Variants in RXFP2 observed in about 807,000 individuals in gnomAD.
RXFP2 encodes relaxin family peptide receptor 2, also known as relaxin receptor 2.
Under a neutral mutation model 88.6 loss-of-function variants are expected in RXFP2, and 68 were observed. The observed-to-expected ratio is 0.77, with a 90% confidence interval of 0.63 to 0.94. The LOEUF is 0.94. RXFP2 is among the 40% of genes least tolerant of loss of function. The probability of loss-of-function intolerance (pLI) is 0.00; values close to 1 mark genes in which losing one functional copy is unlikely to be tolerated. For synonymous variants in RXFP2, 329 were observed against 306.8 expected (o/e 1.07, Z -0.76); for missense variants, 791 against 893.9 (o/e 0.88, Z 1.47).
At chr13:31,748,378 C>T (rs1316134140) in intron 1 of RXFP2, among the ~76,000 whole-genome samples, 2 of 152,238 alleles carry the variant, frequency 1.3e-5, no homozygotes, top group Non-Finnish European at 2.9e-5. Context: ...TTTACATCCT[C>T]ACCAAATAGT....
chr13:31,753,126 G>A (rs1040937908), intron 1 of RXFP2, among the ~76,000 whole-genome samples: 28 of 152,198 alleles, frequency 1.8e-4, no homozygotes, highest in Non-Finnish European at 4.0e-4. Flanking sequence ...ACATCTGGCT[G>A]AGAGGATACA....
chr13:31,753,391 A>G (rs1316924593), intron 1 of RXFP2, among the ~76,000 whole-genome samples: 1 of 152,154 alleles, frequency 6.6e-6, no homozygotes, highest in Non-Finnish European at 1.5e-5. Flanking sequence ...ATTGACCAGA[A>G]GACAGAAGAA....
intron 1 of RXFP2, among the ~76,000 whole-genome samples, chr13:31,750,576 T>C (rs1379802029): frequency 6.6e-6 from 1 of 152,166 alleles, no homozygotes; most frequent in Non-Finnish European, 1.5e-5. Flanking sequence ...GTCAGTGTAT[T>C]GACAAAGAAA....
chr13:31,763,565 G>C (rs896811666), intron 3 of RXFP2, among the ~76,000 whole-genome samples: 23 of 152,288 alleles, frequency 1.5e-4, no homozygotes, highest in African/African-American at 5.1e-4. Flanking sequence ...TGATAAAAGA[G>C]TTACTGGTTA....
At position 31,763,587 on chromosome 13, in the gene RXFP2, C is replaced by T. The variant is rs1171774623; in HGVS notation, c.320-1450C>T. 2.6e-5 allele frequency among the ~76,000 whole-genome samples: 4 copies of T among 152,076 alleles called. No individual in the cohort carries two copies. In the East Asian group the frequency reaches 5.8e-4, roughly 22 times the overall value. On this transcript the variant is annotated intron_variant, in intron 3 of 17. Transcript: ENST00000298386. The stretch of plus-strand genomic sequence containing the variant: ...AGAGTTACTGGTTATTATGTTTATT[C>T]CAATCCCCAGAAAATGCCATTGAGA...
At chr13:31,750,115 C>A (rs551530410) in intron 1 of RXFP2, among the ~76,000 whole-genome samples, 1 of 152,160 alleles carries the variant, frequency 6.6e-6, no homozygotes, top group African/African-American at 2.4e-5. Flanking sequence ...TGACAAACTG[C>A]AAGAAAATAT....
chr13:31,792,650 G>A (rs1158220011), intron 15 of RXFP2, 28 bp from the exon 16 acceptor site: 4 of 1,607,362 alleles, frequency 2.5e-6, no homozygotes, highest in Admixed American at 1.7e-5. Flanking sequence ...GGAAACTGAT[G>A]ACATACACTG....
At chr13:31,764,413 TGAATGC>T (rs1485646782) in intron 3 of RXFP2, among the ~76,000 whole-genome samples, 2 of 110,100 alleles carry the variant, frequency 1.8e-5, no homozygotes, top group East Asian at 6.0e-4. Flanking sequence ...TTCTTTCTTC[TGAATGC>T]TTCAGATAGA....
intron 17 of RXFP2, 93 bp from the exon 18 acceptor site, chr13:31,802,053 C>T: frequency 2.4e-6 from 3 of 1,270,124 alleles, no homozygotes; most frequent in Admixed American, 3.7e-5. Flanking sequence ...CTATGTCTCC[C>T]TCTCATAAAT....
At chr13:31,788,271 G>A (rs893289559) in intron 13 of RXFP2, among the ~76,000 whole-genome samples, 1 of 152,110 alleles carries the variant, frequency 6.6e-6, no homozygotes. Context: ...GAACTCCTTG[G>A]GCAAAGGAAA....
intron 13 of RXFP2, among the ~76,000 whole-genome samples, chr13:31,788,836 C>T (rs1258593609): frequency 6.6e-6 from 1 of 152,136 alleles, no homozygotes; most frequent in Non-Finnish European, 1.5e-5. Context: ...ACTACAGAGC[C>T]AATTTCATAA....
Position 31,755,242 on chromosome 13 carries a change from C to T in RXFP2, c.95-3016C>T, listed in dbSNP as rs112858383. On this transcript the variant is annotated intron_variant, in intron 1 of 17. Transcript: ENST00000298386. ...TGTGTTTAAATAGTGGGTCACATCC[C>T]ATTAGGGGATCATGAAATCAACTTA... 1.8e-4 allele frequency among the ~76,000 whole-genome samples: 28 copies of T among 152,272 alleles called. 1 individual carries two copies. Among genetic ancestry groups the T allele is most frequent in the African/African-American group, 5.3e-4 (22 of 41,556 alleles).
chr13:31,746,361 G>C (rs1757250087), intron 1 of RXFP2, among the ~76,000 whole-genome samples: 1 of 152,178 alleles, frequency 6.6e-6, no homozygotes, highest in African/African-American at 2.4e-5. Flanking sequence ...AATTCTACTT[G>C]AAACGGTGTT....
intron 5 of RXFP2, among the ~76,000 whole-genome samples, chr13:31,773,216 G>A (rs755054170): frequency 2.0e-5 from 3 of 152,146 alleles, no homozygotes; most frequent in South Asian, 2.1e-4. Flanking sequence ...ATATGGTACC[G>A]GGAATGGGGG....
At chr13:31,785,823 T>C (rs2181255) in intron 11 of RXFP2, among the ~76,000 whole-genome samples, 142,049 of 152,130 alleles carry the variant, frequency 0.93, 66,831 homozygotes, top group Non-Finnish European at 0.99. Context: ...CTGTCTGGAT[T>C]GGACAGTCCT....
Position 31,797,278 on chromosome 13 carries a change from C to G in RXFP2, c.1864C>G (p.Gln622Glu), listed in dbSNP as rs1003810879. ...MFCSIQKTAL[Q>E]TTEVRNCFGR... ...CTGTTCCATTCAAAAAACCGCCTTG[C>G]AGACCACAGAAGTAAGGAATTGTTT... is the stretch of plus-strand genomic sequence containing the variant. Residue 622 changes from glutamine (Q) to glutamate (E), a missense_variant, in exon 17 of 18, where the codon CAG (glutamine) becomes GAG (glutamate). Gln to Glu is a conservative substitution (Grantham distance 29, BLOSUM62 2). Coordinates refer to ENST00000298386, the MANE Select transcript of RXFP2 (RefSeq NM_130806.5). 5 of 1,613,884 alleles carry G rather than the reference C, an allele frequency of 3.1e-6. No homozygotes were observed. The highest frequency in any genetic ancestry group is 4.2e-6 in the Non-Finnish European group (5 of 1,179,892).
Position 31,739,546 on chromosome 13 carries a change from C to T in RXFP2, c.-67C>T. 1.0e-6 allele frequency: 1 copy of T among 1,003,658 alleles called. No homozygotes were observed. The highest frequency in any genetic ancestry group is 2.4e-5 in the East Asian group (1 of 41,976). The allele number at this position is 1,003,658 out of a possible 1,614,324, so 62.2% of individuals were successfully genotyped here. ...TGCTCAGAACATGGGAGGCACTGAACTTACTACATCAGAACTCCTGCTGAG... is the reference window on the plus strand; with the variant it reads ...TGCTCAGAACATGGGAGGCACTGAATTTACTACATCAGAACTCCTGCTGAG... On this transcript the variant is annotated 5_prime_UTR_variant, in exon 1 of 18. Coordinates refer to ENST00000298386, the MANE Select transcript of RXFP2 (RefSeq NM_130806.5).
chr13:31,795,978 T>G (rs1409331290), intron 16 of RXFP2, among the ~76,000 whole-genome samples: 2 of 151,632 alleles, frequency 1.3e-5, no homozygotes, highest in African/African-American at 4.8e-5. Flanking sequence ...AGTAGTTTAA[T>G]TTACTGTAAG....
chr13:31,744,729 C>T (rs1383713374), intron 1 of RXFP2, among the ~76,000 whole-genome samples: 3 of 134,862 alleles, frequency 2.2e-5, no homozygotes, highest in Non-Finnish European at 3.3e-5. Flanking sequence ...TTTTTTTTTT[C>T]AGTGACTATA....
Sources: allele counts gnomAD v4.1 joint callset (sites outside exome capture counted in the v4.1 genomes callset), GRCh38; gene constraint gnomAD v4.1.1; transcripts MANE v1.5; gene names NCBI Gene and HGNC (gene_info 2026-07-23, HGNC 2026-07-21).